Variants in LSAMP observed in about 807,000 individuals in gnomAD.
The protein encoded by LSAMP is limbic system-associated membrane protein.
Under a neutral mutation model 38.6 loss-of-function variants are expected in LSAMP, and 7 were observed. The ratio of observed to expected loss-of-function variants is 0.18; its 90% CI spans 0.10 to 0.34. LSAMP has a LOEUF of 0.34. LSAMP is among the 10% of genes least tolerant of loss of function. The pLI, the probability that LSAMP is intolerant of heterozygous loss-of-function variation, is 1.00. For synonymous variants in LSAMP, 154 were observed against 166.8 expected, an observed-to-expected ratio of 0.92 and a Z score of 0.59; for missense variants, 313 against 420.0, an observed-to-expected ratio of 0.75 and a Z score of 2.23.
chr3:116,146,558 A>G lies in LSAMP; in HGVS notation c.156-60002T>C. Among the ~76,000 whole-genome samples, 2 of 152,082 alleles carry G rather than the reference A, an allele frequency of 1.3e-5. 1 individual carries two copies. Among genetic ancestry groups the G allele is most frequent in the South Asian group, 4.1e-4 (2 of 4,830 alleles). Reference sequence around the variant, plus strand: ...CTTTGAGAGCAGAGAAAAAAAATCTACTTTTGCTATCACCATACCAGCACA... The same window carrying G: ...CTTTGAGAGCAGAGAAAAAAAATCTGCTTTTGCTATCACCATACCAGCACA... On this transcript the variant is annotated intron_variant, in intron 1 of 6. Coordinates refer to ENST00000490035, the MANE Select transcript of LSAMP (RefSeq NM_002338.5).
intron 1 of LSAMP, among the ~76,000 whole-genome samples, chr3:116,246,692 G>A (rs2046609805): frequency 1.3e-5 from 2 of 152,174 alleles, no homozygotes; most frequent in South Asian, 4.1e-4. Context: ...GGCAAGAAGG[G>A]GAGGGCGTGT....
At chr3:116,171,498 C>A (rs980053873) in intron 1 of LSAMP, among the ~76,000 whole-genome samples, 5 of 152,094 alleles carry the variant, frequency 3.3e-5, no homozygotes, top group Non-Finnish European at 5.9e-5. Flanking sequence ...AAATAACAAT[C>A]AAATGACAGA....
intron 1 of LSAMP, 81 bp from the exon 2 acceptor site, chr3:116,086,637 G>T: frequency 1.9e-6 from 2 of 1,041,554 alleles, no homozygotes; most frequent in Non-Finnish European, 3.0e-6. Flanking sequence ...GACTCAACAA[G>T]TCTAAACAAG....
chr3:116,411,521 C>G (rs2107840667), intron 1 of LSAMP, among the ~76,000 whole-genome samples: 1 of 149,520 alleles, frequency 6.7e-6, no homozygotes, highest in South Asian at 2.1e-4. Flanking sequence ...TAAACTATCA[C>G]AAGGACAAAA....
At chr3:115,959,917 C>T (rs1389426642) in intron 3 of LSAMP, among the ~76,000 whole-genome samples, 1 of 152,086 alleles carries the variant, frequency 6.6e-6, no homozygotes, top group Admixed American at 6.5e-5. Context: ...GGCAGGCCCC[C>T]CAACTCATGT....
chr3:115,969,226 G>A (rs1030654886), intron 3 of LSAMP, among the ~76,000 whole-genome samples: 7 of 152,164 alleles, frequency 4.6e-5, no homozygotes, highest in Non-Finnish European at 8.8e-5. Context: ...TCTGCGGAGA[G>A]GACGATTGGT....
At chr3:116,126,616 C>A (rs1709014416) in intron 1 of LSAMP, among the ~76,000 whole-genome samples, 1 of 152,116 alleles carries the variant, frequency 6.6e-6, no homozygotes, top group South Asian at 2.1e-4. Flanking sequence ...AATCCCAGCA[C>A]TTTGGGAGGC....
At chr3:116,191,662 G>T (rs191724379) in intron 1 of LSAMP, among the ~76,000 whole-genome samples, 5 of 151,588 alleles carry the variant, frequency 3.3e-5, no homozygotes, top group African/African-American at 1.2e-4. Flanking sequence ...TCCGGGTTTA[G>T]CTCTTCTGTC....
At chr3:116,264,826 C>A (rs1221475624) in intron 1 of LSAMP, among the ~76,000 whole-genome samples, 1 of 151,990 alleles carries the variant, frequency 6.6e-6, no homozygotes, top group East Asian at 1.9e-4. Flanking sequence ...AGGCTGGTCT[C>A]AAAAAACTGA....
At chr3:116,284,122 T>C (rs1019200658) in intron 1 of LSAMP, among the ~76,000 whole-genome samples, 3 of 152,132 alleles carry the variant, frequency 2.0e-5, no homozygotes, top group Admixed American at 1.3e-4. Context: ...GTAAAAAATA[T>C]TTTCATAGTT....
At chr3:115,897,948 G>C (rs900886861) in intron 3 of LSAMP, among the ~76,000 whole-genome samples, 7 of 152,160 alleles carry the variant, frequency 4.6e-5, no homozygotes, top group Non-Finnish European at 8.8e-5. Flanking sequence ...TGTGGGAGCA[G>C]TTCGTGAGCT....
At chr3:116,125,397 T>C (rs991577617) in intron 1 of LSAMP, among the ~76,000 whole-genome samples, 3 of 151,746 alleles carry the variant, frequency 2.0e-5, no homozygotes, top group Non-Finnish European at 4.4e-5. Flanking sequence ...CATTGTTTTT[T>C]TTTTCAGTGT....
At chr3:115,827,516 T>C (rs887843748) in intron 6 of LSAMP, among the ~76,000 whole-genome samples, 1 of 152,140 alleles carries the variant, frequency 6.6e-6, no homozygotes, top group Non-Finnish European at 1.5e-5. Context: ...CTGTGATTGA[T>C]AGTAAAGAGA....
intron 1 of LSAMP, among the ~76,000 whole-genome samples, chr3:116,193,786 C>A (rs142473663): frequency 6.6e-6 from 1 of 152,198 alleles, no homozygotes; most frequent in Non-Finnish European, 1.5e-5. Context: ...TAAAACATTA[C>A]AGTGAAATGA....
chr3:116,121,716 G>C (rs965582655), intron 1 of LSAMP, among the ~76,000 whole-genome samples: 5 of 152,048 alleles, frequency 3.3e-5, no homozygotes, highest in African/African-American at 9.7e-5. Context: ...ATTCACCTAA[G>C]GTAACACTGA....
intron 1 of LSAMP, among the ~76,000 whole-genome samples, chr3:116,390,813 A>G (rs772788844): frequency 2.1e-4 from 32 of 151,334 alleles, no homozygotes; most frequent in Admixed American, 7.2e-4. Context: ...TTCTGCAGAC[A>G]GTTGGGAGCC....
At chr3:116,442,019 T>A (rs1406011503) in intron 1 of LSAMP, among the ~76,000 whole-genome samples, 1 of 152,230 alleles carries the variant, frequency 6.6e-6, no homozygotes, top group East Asian at 1.9e-4. Context: ...TACCTCTCTT[T>A]CCCTCCAATT....
chr3:116,142,447 G>T (rs1450639759), intron 1 of LSAMP, among the ~76,000 whole-genome samples: 1 of 151,978 alleles, frequency 6.6e-6, no homozygotes, highest in Non-Finnish European at 1.5e-5. Flanking sequence ...TCCAGCCTGT[G>T]CAGGTGCAAT....
At chr3:115,935,495 G>A (rs1937669761) in intron 3 of LSAMP, among the ~76,000 whole-genome samples, 1 of 152,206 alleles carries the variant, frequency 6.6e-6, no homozygotes, top group African/African-American at 2.4e-5. Flanking sequence ...CGTCCCAGCA[G>A]AATGGAAGTC....
Sources: gnomAD v4.1 joint callset for allele counts (sites outside exome capture counted in the v4.1 genomes callset) on GRCh38, gnomAD v4.1.1 for gene constraint, MANE v1.5 for transcripts, NCBI Gene and HGNC (gene_info 2026-07-23, HGNC 2026-07-21) for gene names.